The following HEG1 variants were observed in gnomAD, a reference collection of about 807,000 sequenced individuals.
HEG1 encodes protein HEG homolog 1.
Under a neutral mutation model 125.6 loss-of-function variants are expected in HEG1, and 56 were observed. That is an observed-to-expected ratio of 0.45 (90% CI 0.36 to 0.56). HEG1 has a LOEUF of 0.56. Among genes scored for constraint, HEG1 ranks in the 20% least tolerant of loss-of-function variants. The pLI is 0.00. For synonymous variants in HEG1, 644 were observed against 668.5 expected, an observed-to-expected ratio of 0.96 and a Z score of 0.57; for missense variants, 1,523 against 1,670.0, an observed-to-expected ratio of 0.91 and a Z score of 1.53.
chr3:125,023,354 G>C (rs1446709271), intron 3 of HEG1, among the ~76,000 whole-genome samples: 1 of 152,152 alleles, frequency 6.6e-6, no homozygotes, highest in Non-Finnish European at 1.5e-5. Flanking sequence ...CACAAATGCT[G>C]AAAGTCATGA....
At chr3:125,022,452 C>T (rs1348233370) in intron 3 of HEG1, among the ~76,000 whole-genome samples, 1 of 150,912 alleles carries the variant, frequency 6.6e-6, no homozygotes, top group East Asian at 1.9e-4. Context: ...AAAGGTTCCT[C>T]TCATTCTTGT....
chr3:125,013,413 G>A lies in HEG1; in HGVS notation c.2166C>T (p.Ser722=). 3 of 1,613,958 alleles carry A rather than the reference G, an allele frequency of 1.9e-6. No homozygotes were observed. In the South Asian group the frequency reaches 3.3e-5, roughly 18 times the overall value. Residue 722 remains serine (S), a synonymous_variant, in exon 6 of 17, where the codon TCC becomes TCT. Coordinates refer to ENST00000311127, the MANE Select transcript of HEG1 (RefSeq NM_020733.2). ...WSSSPSPLPV[S]LTTSTSAPLS... Reference sequence around the variant, plus strand: ...GTGGGGCAGATGTAGATGTCGTTAAGGATACTGGTAAAGGTGATGGTGAGG... The same window carrying A: ...GTGGGGCAGATGTAGATGTCGTTAAAGATACTGGTAAAGGTGATGGTGAGG...
intron 4 of HEG1, 122 bp downstream of exon 4, chr3:125,020,670 A>G: frequency 1.4e-6 from 1 of 729,930 alleles, no homozygotes; most frequent in Non-Finnish European, 2.3e-6. Context: ...ATCAAAATGC[A>G]ATAGTGCCAT....
intron 6 of HEG1, among the ~76,000 whole-genome samples, chr3:125,010,877 C>T (rs914508345): frequency 6.6e-6 from 1 of 152,170 alleles, no homozygotes; most frequent in African/African-American, 2.4e-5. Flanking sequence ...GAAAATTCTA[C>T]TTGAATCAAT....
chr3:125,024,399 A>C (rs1315816712), intron 3 of HEG1, among the ~76,000 whole-genome samples: 1 of 152,106 alleles, frequency 6.6e-6, no homozygotes, highest in Non-Finnish European at 1.5e-5. Context: ...AATTGTAGCC[A>C]CTCTCACACA....
intron 6 of HEG1, 75 bp from the exon 7 acceptor site, chr3:125,010,630 T>C: frequency 1.1e-6 from 1 of 870,274 alleles, no homozygotes; most frequent in Non-Finnish European, 1.8e-6. Context: ...AATATTTAAT[T>C]CTCCCAGCTA....
chr3:124,998,695 C>A (rs1936959389), intron 11 of HEG1, among the ~76,000 whole-genome samples: 2 of 152,214 alleles, frequency 1.3e-5, no homozygotes, highest in Non-Finnish European at 2.9e-5. Flanking sequence ...TCCTGTGGGG[C>A]ATATGGCCCT....
intron 3 of HEG1, among the ~76,000 whole-genome samples, chr3:125,026,139 A>G (rs1937410659): frequency 6.6e-6 from 1 of 152,328 alleles, no homozygotes; most frequent in Admixed American, 6.5e-5. Flanking sequence ...CACAAGCAGC[A>G]CACACAAACA....
chr3:124,978,100 A>G (rs540787538), intron 14 of HEG1, among the ~76,000 whole-genome samples, 154 bp from the exon 15 acceptor site: 23 of 152,272 alleles, frequency 1.5e-4, no homozygotes, highest in Admixed American at 1.4e-3. Context: ...GGGATCCTCA[A>G]TGGCTATCTC....
Position 125,019,345 on chromosome 3 carries a change from A to G in HEG1, c.1505T>C (p.Leu502Ser). ...TVQSGGSHTALGDRSYSESSS... is the reference protein window; with the variant it reads ...TVQSGGSHTASGDRSYSESSS... ...AGACTCTGAATAACTCCTATCTCCC[A>G]ATGCTGTGTGACTTCCTCCAGACTG... The change falls in exon 5 of 17, where the codon TTG (leucine) becomes TCG (serine). Residue 502 changes from leucine (L) to serine (S), a missense_variant. Coordinates refer to ENST00000311127, the MANE Select transcript of HEG1 (RefSeq NM_020733.2). 6.2e-7 allele frequency: 1 copy of G among 1,614,038 alleles called. No homozygotes were observed. Among genetic ancestry groups the G allele is most frequent in the South Asian group, 1.1e-5 (1 of 91,084 alleles).
Position 124,969,366 on chromosome 3 carries a change from A to C in HEG1, c.*1286T>G, listed in dbSNP as rs985500529. 1 of 152,182 alleles carries C rather than the reference A, an allele frequency of 6.6e-6. No individual in the cohort carries two copies. The highest frequency in any genetic ancestry group is 2.4e-5 in the African/African-American group (1 of 41,448). 9.4% of individuals were successfully genotyped at this position (152,182 alleles called of 1,614,324 possible). A position where few individuals can be genotyped will look rare whatever the true frequency, so the allele number is the denominator to read the frequency against. ...AACCCTCAGTTCCTCGACCAACCGG[A>C]AGTCTTCAGTTCTCCCACACTGACT... On this transcript the variant is annotated 3_prime_UTR_variant, in exon 17 of 17. Transcript: ENST00000311127.
rs111685180 is a variant in HEG1, at chr3:125,034,966, T to C, written c.317-5478A>G. Among the ~76,000 whole-genome samples the C allele has an allele frequency of 2.2e-3, 332 of 152,100 alleles. 2 individuals are homozygous for C. The highest frequency in any genetic ancestry group is 7.6e-3 in the African/African-American group (314 of 41,484). On this transcript the variant is annotated intron_variant, in intron 1 of 16. Coordinates refer to ENST00000311127, the MANE Select transcript of HEG1 (RefSeq NM_020733.2). Reference sequence around the variant, plus strand: ...AACAGAGAAAGTAGAAGTGAAAACATTGATTTAATTTTTATTTTTTTATTT... The same window carrying C: ...AACAGAGAAAGTAGAAGTGAAAACACTGATTTAATTTTTATTTTTTTATTT...
Position 124,978,863 on chromosome 3 carries a change from G to A in HEG1, c.3734-917C>T, listed in dbSNP as rs1408177209. ...TAAATAAAAAAGTAATGGAGATAAC[G>A]CAGAATCTTTTCTTGGTCACTTCCC... On this transcript the variant is annotated intron_variant, in intron 14 of 16. Transcript: ENST00000311127. Among the ~76,000 whole-genome samples the A allele has an allele frequency of 2.0e-5, 3 of 148,642 alleles. No homozygotes were observed. In the East Asian group the frequency reaches 5.9e-4, roughly 29 times the overall value.
chr3:125,029,021 C>T (rs2107707296), intron 2 of HEG1, among the ~76,000 whole-genome samples, 174 bp downstream of exon 2: 1 of 152,326 alleles, frequency 6.6e-6, no homozygotes, highest in South Asian at 2.1e-4. Context: ...CTTGTCTGGT[C>T]TGTATTGGCA....
At chr3:125,006,036 G>A (rs566546857) in intron 8 of HEG1, among the ~76,000 whole-genome samples, 33 of 152,200 alleles carry the variant, frequency 2.2e-4, no homozygotes, top group Non-Finnish European at 1.0e-4. Flanking sequence ...GCATTGGAGC[G>A]TATGCGTGTC....
chr3:125,002,264 C>T lies in HEG1; in HGVS notation c.3349G>A (p.Ala1117Thr), dbSNP rs200035014. The T allele has an allele frequency of 2.8e-4, 446 of 1,612,602 alleles. 2 individuals carry two copies. In the Admixed American group the frequency reaches 7.2e-3, roughly 26 times the overall value. The change falls in exon 10 of 17, where the codon GCC becomes ACC. Residue 1117 changes from alanine to threonine, a missense_variant. By Grantham distance (58) the Ala-to-Thr change is moderately conservative. Transcript: ENST00000311127. ...TATAATTCTGTTACTTACCTAGAGG[C>T]GTGAACTGTAGATCGGATGTAACTA... ...LPSYIRSTVH[A>T]SRESNAVVIS...
chr3:124,987,924 TACACACAC>T (rs67009322), intron 14 of HEG1, among the ~76,000 whole-genome samples: 6 of 67,660 alleles, frequency 8.9e-5, no homozygotes, highest in African/African-American at 2.5e-4. Context: ...TATATATGTG[TACACACAC>T]ACACACACAC....
chr3:124,989,396 T>C (rs909149336), intron 14 of HEG1, among the ~76,000 whole-genome samples: 2 of 152,200 alleles, frequency 1.3e-5, no homozygotes, highest in African/African-American at 2.4e-5. Flanking sequence ...CTAGTAAACT[T>C]ATAAAATAGT....
chr3:124,975,066 C>T (rs896632776), intron 15 of HEG1, among the ~76,000 whole-genome samples: 1 of 152,192 alleles, frequency 6.6e-6, no homozygotes, highest in East Asian at 1.9e-4. Context: ...CATTCCTAGT[C>T]TCATCCCCTG....
Sources: gnomAD v4.1 joint callset for allele counts (sites outside exome capture counted in the v4.1 genomes callset) on GRCh38, gnomAD v4.1.1 for gene constraint, MANE v1.5 for transcripts, NCBI Gene and HGNC (gene_info 2026-07-23, HGNC 2026-07-21) for gene names.